GPC5: variants seen among roughly 807,000 people sequenced by gnomAD.
GPC5 encodes the protein glypican-5.
Under a neutral mutation model 53.9 loss-of-function variants are expected in GPC5, and 47 were observed. The observed-to-expected ratio is 0.87, with a 90% CI of 0.69 to 1.11. The LOEUF is 1.11. Ranked by LOEUF, GPC5 falls within the 50% of genes most tolerant of loss-of-function variation. The probability of loss-of-function intolerance (pLI) is 0.00; values close to 1 mark genes in which losing one functional copy is unlikely to be tolerated. For synonymous variants in GPC5, 286 were observed against 263.3 expected (o/e 1.09, Z -0.84); for missense variants, 748 against 713.1 (o/e 1.05, Z -0.56).
chr13:92,605,653 A>G (rs1026826077), intron 7 of GPC5, among the ~76,000 whole-genome samples: 1 of 147,826 alleles, frequency 6.8e-6, no homozygotes, highest in African/African-American at 2.6e-5. Flanking sequence ...GCAGTGGCGC[A>G]ATCTCGGCTC....
chr13:91,775,681 T>C (rs997874845), intron 5 of GPC5, among the ~76,000 whole-genome samples: 1 of 152,228 alleles, frequency 6.6e-6, no homozygotes, highest in Admixed American at 6.5e-5. Flanking sequence ...TAAGACTTGA[T>C]CAACTGATCA....
intron 6 of GPC5, among the ~76,000 whole-genome samples, chr13:92,017,935 A>G (rs2040721944): frequency 6.6e-6 from 1 of 151,836 alleles, no homozygotes; most frequent in African/African-American, 2.4e-5. Flanking sequence ...CACTTCCACA[A>G]AATGCACACA....
At chr13:92,186,628 A>G (rs2042185668) in intron 7 of GPC5, among the ~76,000 whole-genome samples, 1 of 152,196 alleles carries the variant, frequency 6.6e-6, no homozygotes, top group Admixed American at 6.5e-5. Flanking sequence ...AGTATTTTCC[A>G]GAAAAACTCA....
intron 7 of GPC5, among the ~76,000 whole-genome samples, chr13:92,586,954 A>C (rs188444319): frequency 8.9e-6 from 1 of 112,410 alleles, no homozygotes; most frequent in East Asian, 2.1e-4. Flanking sequence ...GCATACACAC[A>C]CACACACACG....
At chr13:92,079,830 C>T (rs1438641953) in intron 6 of GPC5, among the ~76,000 whole-genome samples, 1 of 152,204 alleles carries the variant, frequency 6.6e-6, no homozygotes, top group Non-Finnish European at 1.5e-5. Flanking sequence ...CCTTCCTCAC[C>T]TGCCTCTCGC....
intron 7 of GPC5, among the ~76,000 whole-genome samples, chr13:92,396,072 C>T (rs1247962514): frequency 2.6e-5 from 4 of 151,548 alleles, no homozygotes; most frequent in African/African-American, 9.7e-5. Context: ...CTTTTTTGCT[C>T]GTGTTTGAAT....
intron 7 of GPC5, among the ~76,000 whole-genome samples, chr13:92,840,074 CATACATATATAT>C (rs1566440445): frequency 2.8e-5 from 2 of 72,122 alleles, no homozygotes; most frequent in Non-Finnish European, 5.6e-5. Context: ...TTCATATATA[CATACATATATAT>C]ATATATATAT....
rs960832068 is a variant in GPC5 at position 92,699,981 on chromosome 13, C to A, written c.1562-166301C>A. ...GAGATGAGTTCAAATCCTGGATATC[C>A]TTGTTAATATTCTGACTTGTTGATC... On this transcript the variant is annotated intron_variant, in intron 7 of 7. Coordinates refer to ENST00000377067, the MANE Select transcript of GPC5 (RefSeq NM_004466.6). 4.6e-5 allele frequency among the ~76,000 whole-genome samples: 7 copies of A among 152,170 alleles called. No homozygotes were observed. In the East Asian group the frequency reaches 5.8e-4, roughly 13 times the overall value.
At chr13:92,302,631 T>C (rs1039008234) in intron 7 of GPC5, among the ~76,000 whole-genome samples, 1 of 152,210 alleles carries the variant, frequency 6.6e-6, no homozygotes, top group Non-Finnish European at 1.5e-5. Flanking sequence ...TCTGTTGCTA[T>C]TTTGTTGTAT....
At chr13:91,431,453 A>G (rs1879442812) in intron 1 of GPC5, among the ~76,000 whole-genome samples, 1 of 152,214 alleles carries the variant, frequency 6.6e-6, no homozygotes, top group Admixed American at 6.5e-5. Context: ...AAAATAATTA[A>G]AACAGAAAAT....
intron 7 of GPC5, among the ~76,000 whole-genome samples, chr13:92,727,453 T>A (rs2139294868): frequency 6.6e-6 from 1 of 151,508 alleles, no homozygotes; most frequent in East Asian, 1.9e-4. Context: ...CAAAATGCTT[T>A]TCCTTTGCCT....
chr13:92,564,788 T>C (rs1198135610), intron 7 of GPC5, among the ~76,000 whole-genome samples: 1 of 152,112 alleles, frequency 6.6e-6, no homozygotes, highest in Non-Finnish European at 1.5e-5. Context: ...TGTTTTTCTG[T>C]TCCTGCATTA....
rs142258339 is a variant in GPC5, at chr13:91,552,341, A to T, written c.325+103419A>T. On this transcript the variant is annotated intron_variant, in intron 2 of 7. Transcript: ENST00000377067. ...CGTGAATAAGCAGTATTTTATTGTT[A>T]TATCTAACGTGTAAGGAATTGCCGA... 1.2e-3 allele frequency among the ~76,000 whole-genome samples: 181 copies of T among 152,088 alleles called. 1 individual carries two copies. Among genetic ancestry groups the T allele is most frequent in the African/African-American group, 4.2e-3 (175 of 41,504 alleles).
intron 2 of GPC5, among the ~76,000 whole-genome samples, chr13:91,682,292 T>C (rs1276492836): frequency 2.6e-5 from 4 of 152,190 alleles, no homozygotes; most frequent in Non-Finnish European, 5.9e-5. Context: ...CCAAAAGAAC[T>C]TAATAAATCA....
chr13:92,081,225 A>G (rs1594755727), intron 6 of GPC5, among the ~76,000 whole-genome samples: 1 of 151,926 alleles, frequency 6.6e-6, no homozygotes, highest in Admixed American at 6.6e-5. Flanking sequence ...CCTCAGTCTT[A>G]TGAGTAGCTG....
intron 3 of GPC5, among the ~76,000 whole-genome samples, chr13:91,724,577 G>A (rs1479216150): frequency 3.9e-5 from 6 of 152,048 alleles, no homozygotes; most frequent in Non-Finnish European, 8.8e-5. Context: ...GGGTAGGCAC[G>A]GTGTCTCATG....
chr13:92,160,354 A>G (rs1330470309), intron 7 of GPC5, among the ~76,000 whole-genome samples: 2 of 152,202 alleles, frequency 1.3e-5, no homozygotes, highest in Non-Finnish European at 2.9e-5. Context: ...CCAAAACATA[A>G]TTATCTGAAA....
intron 7 of GPC5, among the ~76,000 whole-genome samples, chr13:92,819,549 T>A (rs533261162): frequency 6.6e-6 from 1 of 152,212 alleles, no homozygotes; most frequent in Non-Finnish European, 1.5e-5. Context: ...GCTCTAATAG[T>A]CTGTGTATCT....
intron 7 of GPC5, among the ~76,000 whole-genome samples, chr13:92,151,273 G>A (rs370255271): frequency 3.9e-5 from 6 of 152,114 alleles, no homozygotes; most frequent in African/African-American, 1.2e-4. Flanking sequence ...AATTACCTGG[G>A]ACTCTGCTTA....
Sources: allele counts gnomAD v4.1 joint callset (sites outside exome capture counted in the v4.1 genomes callset), GRCh38; gene constraint gnomAD v4.1.1; transcripts MANE v1.5; gene names NCBI Gene and HGNC (gene_info 2026-07-23, HGNC 2026-07-21).